Variants in ST3GAL5 observed in about 807,000 individuals in gnomAD.
The protein encoded by ST3GAL5 is ST3 beta-galactoside alpha-2,3-sialyltransferase 5, also known as lactosylceramide alpha-2,3-sialyltransferase.
ST3GAL5 carries 25 observed loss-of-function variants against 46.1 expected under a neutral mutation model. The observed-to-expected ratio is 0.54, with a 90% CI of 0.40 to 0.76. The LOEUF (loss-of-function observed/expected upper bound fraction) is 0.76. ST3GAL5 is among the 30% of genes least tolerant of loss of function. ST3GAL5 has a pLI of 0.00. For missense variants in ST3GAL5, 431 were observed against 521.2 expected, an observed-to-expected ratio of 0.83 and a Z score of 1.69; for synonymous variants, 182 against 192.7, an observed-to-expected ratio of 0.94 and a Z score of 0.46.
In ST3GAL5 at chr2:85,844,404, G is replaced by T. The variant is rs200541102; in HGVS notation, c.1000C>A (p.Arg334=). The stretch of plus-strand genomic sequence containing the variant: ...AGTAGCAACAAAAATACCTTATCTC[G>T]GCCCCAGAACCTTGACTGAGGCTCT... ...YSEPQSRFWG[R]DKNVPTIGVI... is the part of the protein sequence containing the mutation. Residue 334 remains arginine, a synonymous_variant, in exon 6 of 7, where the codon CGA becomes AGA. Transcript: ENST00000638572. 1.9e-6 allele frequency: 3 copies of T among 1,614,102 alleles called. No individual in the cohort carries two copies. Among genetic ancestry groups the T allele is most frequent in the East Asian group, 2.2e-5 (1 of 44,876 alleles).
rs1682809742 is a variant in ST3GAL5, at chr2:85,846,494, A to C, written c.732T>G (p.Tyr244Ter). 1 of 1,614,124 alleles carries C rather than the reference A, an allele frequency of 6.2e-7. No homozygotes were observed. The highest frequency in any genetic ancestry group is 1.7e-5 in the Admixed American group (1 of 60,006). Reference sequence around the variant, plus strand: ...GGTCAGACAGTGGTGCGCCCTCTGGATAAGTCATCCTTATAGTAGTTTTAT... The same window carrying C: ...GGTCAGACAGTGGTGCGCCCTCTGGCTAAGTCATCCTTATAGTAGTTTTAT... Reference protein sequence around the residue: ...VGNKTTIRMTYPEGAPLSDLE... With the variant: ...VGNKTTIRMT The change falls in exon 5 of 7, where the codon TAT becomes TAG. Residue 244 changes from tyrosine to a stop codon, truncating the protein, a stop_gained. Transcript: ENST00000638572. LOFTEE classifies it high-confidence loss of function.
chr2:85,856,407 T>C (rs1684115088), intron 3 of ST3GAL5: 1 of 152,184 alleles, frequency 6.6e-6, no homozygotes, highest in Non-Finnish European at 1.5e-5. Context: ...AGATTACTGG[T>C]TGCCTAGGAT....
chr2:85,851,591 TTAAG>T, intron 3 of ST3GAL5: 5 of 1,289,426 alleles, frequency 3.9e-6, no homozygotes, highest in Non-Finnish European at 5.1e-6. Flanking sequence ...TCCCACATCT[TTAAG>T]TAAGTTGAAC....
rs1420116226 is a variant in ST3GAL5 at position 85,868,243 on chromosome 2, C to T, written c.83-4758G>A. On this transcript the variant is annotated intron_variant, in intron 1 of 6. Transcript: ENST00000638572. ...AGGTTGGATTACATGAACATTGAAT[C>T]AGGGGCATGCTTTGTTAATTGCTAG... Among the ~76,000 whole-genome samples the T allele has an allele frequency of 2.6e-5, 4 of 152,204 alleles. No homozygotes were observed. The East Asian group carries it at 7.7e-4, about 29-fold the overall frequency.
At chr2:85,863,312 C>A in intron 2 of ST3GAL5, 50 bp downstream of exon 2, 1 of 1,612,516 alleles carries the variant, frequency 6.2e-7, no homozygotes, top group Non-Finnish European at 8.5e-7. Flanking sequence ...CCTAGTTCTA[C>A]ACAGTTGACC....
At chr2:85,847,394 C>A in intron 4 of ST3GAL5, 1 of 998,422 alleles carries the variant, frequency 1.0e-6, no homozygotes, top group Non-Finnish European at 1.2e-6. Context: ...TAGCCAGCAG[C>A]ATGCTCCTCC....
At chr2:85,870,068 T>C in intron 1 of ST3GAL5, 2 of 394,720 alleles carry the variant, frequency 5.1e-6, no homozygotes, top group Non-Finnish European at 1.1e-5. Context: ...CATGCCCTAC[T>C]TACCAAAATT....
rs1212154948 is a variant in ST3GAL5 at position 85,838,498 on chromosome 2, G to A, written c.*1646C>T. The A allele has an allele frequency of 6.6e-6, 1 of 152,200 alleles. No individual in the cohort carries two copies. The highest frequency in any genetic ancestry group is 1.5e-5 in the Non-Finnish European group (1 of 68,040). 9.4% of individuals were successfully genotyped at this position (152,200 alleles called of 1,614,324 possible). A position where few individuals can be genotyped will look rare whatever the true frequency, so the allele number is the denominator to read the frequency against. On this transcript the variant is annotated 3_prime_UTR_variant, in exon 7 of 7. Transcript: ENST00000638572. ...TCAATTTTCTAAACTCATTTGATGG[G>A]TGATAATCTTAAAACATTTTCTCTT...
At chr2:85,846,763 T>C in intron 4 of ST3GAL5, 200 bp from the exon 5 acceptor site, 1 of 580,770 alleles carries the variant, frequency 1.7e-6, no homozygotes, top group Non-Finnish European at 3.1e-6. Flanking sequence ...AGCGAACACT[T>C]GTATCTAATC....
chr2:85,886,440 T>C (rs2104266142), intron 1 of ST3GAL5, among the ~76,000 whole-genome samples: 1 of 152,126 alleles, frequency 6.6e-6, no homozygotes, highest in African/African-American at 2.4e-5. Context: ...GCCAGTTCTG[T>C]TTGTTGATCT....
chr2:85,867,491 C>T (rs1268709432), intron 1 of ST3GAL5: 4 of 748,100 alleles, frequency 5.3e-6, no homozygotes, highest in Admixed American at 3.7e-5. Flanking sequence ...TGGGATATAT[C>T]TATTAAAGGT....
At chr2:85,884,815 A>G (rs1378545243) in intron 1 of ST3GAL5, among the ~76,000 whole-genome samples, 2 of 152,250 alleles carry the variant, frequency 1.3e-5, no homozygotes, top group African/African-American at 4.8e-5. Context: ...CTCAGAACTC[A>G]ATACACATAA....
At chr2:85,840,728 G>A (rs1462141171) in intron 6 of ST3GAL5, among the ~76,000 whole-genome samples, 2 of 151,770 alleles carry the variant, frequency 1.3e-5, no homozygotes, top group Admixed American at 1.3e-4. Context: ...GGCGGATCAC[G>A]AGGTCAAGAG....
chr2:85,849,855 AGT>A (rs3046619), intron 3 of ST3GAL5: 49,687 of 147,090 alleles, frequency 0.34, 9,026 homozygotes, highest in Admixed American at 0.49. Flanking sequence ...CACAGGCAGA[AGT>A]GTGTGTGTGT....
intron 6 of ST3GAL5, among the ~76,000 whole-genome samples, chr2:85,842,386 T>C (rs761695970): frequency 1.1e-4 from 16 of 152,160 alleles, no homozygotes; most frequent in Non-Finnish European, 1.5e-4. Flanking sequence ...GGGTGATATA[T>C]GGAGAGAACT....
At chr2:85,842,421 A>G (rs924336789) in intron 6 of ST3GAL5, among the ~76,000 whole-genome samples, 8 of 152,110 alleles carry the variant, frequency 5.3e-5, no homozygotes, top group African/African-American at 1.9e-4. Context: ...AAACTCCCCA[A>G]AGCATGTCAT....
chr2:85,850,861 T>C (rs1415334824), intron 3 of ST3GAL5: 2 of 152,174 alleles, frequency 1.3e-5, no homozygotes, highest in Admixed American at 1.3e-4. Context: ...TTTCATTCCA[T>C]TTCCATTCTC....
rs549941646 is a variant in ST3GAL5, at chr2:85,837,201, A to G, written c.*2943T>C. 6 of 152,380 alleles carry G rather than the reference A, an allele frequency of 3.9e-5. No individual in the cohort carries two copies. Among genetic ancestry groups the G allele is most frequent in the African/African-American group, 7.2e-5 (3 of 41,586 alleles). The allele number at this position is 152,380 out of a possible 1,614,324, so 9.4% of individuals were successfully genotyped here. A position where few individuals can be genotyped will look rare whatever the true frequency, so the allele number is the denominator to read the frequency against. On this transcript the variant is annotated 3_prime_UTR_variant, in exon 7 of 7. Transcript: ENST00000638572. ...ATGAAATCAACCTAAGTGTCCATCA[A>G]TGGGTGAATGAATAAAGAAAATGTG...
chr2:85,871,090 T>G (rs942133353), intron 1 of ST3GAL5, among the ~76,000 whole-genome samples: 3 of 150,802 alleles, frequency 2.0e-5, no homozygotes, highest in African/African-American at 7.3e-5. Context: ...CAGGCTAGAG[T>G]GCAGTGGTGC....
Sources: allele counts gnomAD v4.1 joint callset (sites outside exome capture counted in the v4.1 genomes callset), GRCh38; gene constraint gnomAD v4.1.1; transcripts MANE v1.5; gene names NCBI Gene and HGNC (gene_info 2026-07-23, HGNC 2026-07-21).